Variants in RBBP6 observed in about 807,000 individuals in gnomAD.
The protein encoded by RBBP6 is E3 ubiquitin-protein ligase RBBP6.
In RBBP6, 25 loss-of-function variants were observed where a neutral mutation model predicts 167.7. The observed-to-expected ratio is 0.15, with a 90% confidence interval of 0.11 to 0.21. The LOEUF is 0.21. Ranked by LOEUF, RBBP6 falls within the 10% of genes least tolerant of loss-of-function variation. The probability of loss-of-function intolerance (pLI) is 1.00; values close to 1 mark genes in which losing one functional copy is unlikely to be tolerated. For missense variants in RBBP6, 1,868 were observed against 2,134.2 expected (o/e 0.88, Z 2.46); for synonymous variants, 789 against 735.8 (o/e 1.07, Z -1.17).
intron 8 of RBBP6, among the ~76,000 whole-genome samples, chr16:24,560,801 C>T (rs574816552): frequency 2.0e-5 from 3 of 152,256 alleles, no homozygotes; most frequent in Admixed American, 6.5e-5. Flanking sequence ...GGAGGATGTA[C>T]ATAGTATTAT....
chr16:24,563,132 AACTTTTTT>A, intron 10 of RBBP6, 59 bp from the exon 11 acceptor site: 1 of 1,327,880 alleles, frequency 7.5e-7, no homozygotes, highest in South Asian at 1.3e-5. Context: ...AACAGCAGCA[AACTTTTTT>A]ACTCTTAATT....
At chr16:24,567,921 G>A (rs1213223559) in intron 16 of RBBP6, 28 bp downstream of exon 16, 2 of 1,547,506 alleles carry the variant, frequency 1.3e-6, no homozygotes, top group Non-Finnish European at 8.9e-7. Context: ...CTTCACAACA[G>A]AATTACAAAC....
At chr16:24,562,333 T>TA (rs1899083560) in intron 10 of RBBP6, among the ~76,000 whole-genome samples, 172 bp downstream of exon 10, 8 of 152,284 alleles carry the variant, frequency 5.3e-5, no homozygotes, top group Middle Eastern at 3.4e-3. Context: ...ACAAACGTGA[T>TA]TGATTTGGCA....
At position 24,564,907 on chromosome 16, in the gene RBBP6, T is replaced by TA. The variant is rs1899156060; in HGVS notation, c.1589+42_1589+43insA. The TA allele has an allele frequency of 8.9e-6, 14 of 1,573,478 alleles. No individual in the cohort carries two copies. The East Asian group carries it at 2.2e-4, about 24-fold the overall frequency. On this transcript the variant is annotated intron_variant, in intron 14 of 17. Coordinates refer to ENST00000319715, the MANE Select transcript of RBBP6 (RefSeq NM_006910.5). ...TCTTGGAAAATAATCATCTTATTTT[T>TA]TATATATATATCTCACCAAAGAAAT... is the stretch of plus-strand genomic sequence containing the variant.
chr16:24,563,317 A>G (rs1340966944), intron 11 of RBBP6, 22 bp downstream of exon 11: 1 of 1,581,316 alleles, frequency 6.3e-7, no homozygotes. Flanking sequence ...TGGTGCTTTA[A>G]TTTGGGATTT....
At chr16:24,541,204 C>CAAAAAAA (rs1491180757) in intron 1 of RBBP6, among the ~76,000 whole-genome samples, 1 of 81,660 alleles carries the variant, frequency 1.2e-5, no homozygotes, top group Non-Finnish European at 2.6e-5. Flanking sequence ...AAAAAAAAAA[C>CAAAAAAA]CAAAAAAACA....
intron 7 of RBBP6, chr16:24,558,519 A>C: frequency 1.0e-6 from 1 of 980,846 alleles, no homozygotes; most frequent in Non-Finnish European, 1.2e-6. Context: ...ACTGCAACAC[A>C]AATAACACAC....
intron 1 of RBBP6, among the ~76,000 whole-genome samples, chr16:24,541,191 A>AC: frequency 1.3e-5 from 1 of 78,548 alleles, no homozygotes; most frequent in South Asian, 3.6e-4. Flanking sequence ...CAAAAAAAAA[A>AC]ACAAAAAAAA....
chr16:24,554,579 A>G (rs1224068608), intron 4 of RBBP6: 1 of 152,062 alleles, frequency 6.6e-6, no homozygotes, highest in Non-Finnish European at 1.5e-5. Flanking sequence ...TCTAAAACAT[A>G]AAGTGGACTA....
Position 24,570,454 on chromosome 16 carries a change from T to C in RBBP6, c.3764T>C (p.Val1255Ala). 6.2e-7 allele frequency: 1 copy of C among 1,602,234 alleles called. No homozygotes were observed. The highest frequency in any genetic ancestry group is 1.1e-5 in the South Asian group (1 of 88,722). Reference protein sequence around the residue: ...EKVKGKVRRKVTGTEGSSSTL... With the variant: ...EKVKGKVRRKATGTEGSSSTL... ...GTCAAAGGAAAGGTCAGACGAAAAG[T>C]GACTGGAACTGAAGGATCCAGCTCA... Residue 1255 changes from valine (V) to alanine (A), a missense_variant, in exon 17 of 18, where the codon GTG (valine) becomes GCG (alanine). Physicochemically the swap from Val to Ala is moderately conservative, Grantham distance 64. Coordinates refer to ENST00000319715, the MANE Select transcript of RBBP6 (RefSeq NM_006910.5).
intron 8 of RBBP6, 102 bp from the exon 9 acceptor site, chr16:24,561,510 C>G: frequency 1.0e-6 from 1 of 957,198 alleles, no homozygotes; most frequent in Non-Finnish European, 1.6e-6. Flanking sequence ...GCTTGGAAAA[C>G]AGTAATGTAA....
At position 24,562,133 on chromosome 16, in the gene RBBP6, C is replaced by A; in HGVS notation, c.1261C>A (p.His421Asn). 1 of 1,612,174 alleles carries A rather than the reference C, an allele frequency of 6.2e-7. No individual in the cohort carries two copies. The highest frequency in any genetic ancestry group is 1.1e-5 in the South Asian group (1 of 91,056). Residue 421 changes from histidine (H) to asparagine (N), a missense_variant, in exon 10 of 18, where the codon CAT becomes AAT. By Grantham distance (68) the His-to-Asn change is moderately conservative. This residue lies in a region of RBBP6 where 245 missense variants were observed against 240.1 expected (regional missense o/e 1.02). Transcript: ENST00000319715. ...AACTGCAACAGTATCCATATCAGTT[C>A]ATTCAGAAAAATCAGATGGACCTTT... ...DITATVSISV[H>N]SEKSDGPFRD... is the part of the protein sequence containing the mutation.
chr16:24,546,142 A>G (rs975931968), intron 1 of RBBP6, 21 bp from the exon 2 acceptor site: 19 of 1,558,798 alleles, frequency 1.2e-5, no homozygotes, highest in African/African-American at 7.0e-5. Flanking sequence ...TGGAAATTCA[A>G]TTCTGTCTTT....
At chr16:24,562,761 T>C (rs1899097214) in intron 10 of RBBP6, among the ~76,000 whole-genome samples, 1 of 151,938 alleles carries the variant, frequency 6.6e-6, no homozygotes, top group African/African-American at 2.4e-5. Flanking sequence ...GACCTTTACA[T>C]TTACATTTAA....
chr16:24,570,529 C>T, intron 17 of RBBP6, 30 bp downstream of exon 17: 1 of 1,505,118 alleles, frequency 6.6e-7, no homozygotes. Context: ...GGGTGTGGAA[C>T]TTTGTTGGGA....
intron 1 of RBBP6, among the ~76,000 whole-genome samples, chr16:24,543,892 C>T (rs531288781): frequency 6.6e-6 from 1 of 152,074 alleles, no homozygotes; most frequent in Admixed American, 6.5e-5. Context: ...TTCATCCATG[C>T]CTTTCATGTC....
chr16:24,559,111 A>T (rs1898987755), intron 7 of RBBP6, among the ~76,000 whole-genome samples: 1 of 151,804 alleles, frequency 6.6e-6, no homozygotes, highest in African/African-American at 2.4e-5. Flanking sequence ...TTTCATTTTT[A>T]TTTTTTTCAA....
chr16:24,567,386 A>G lies in RBBP6; in HGVS notation c.1833A>G (p.Leu611=). Residue 611 remains leucine (L), a synonymous_variant, in exon 15 of 18, where the codon TTA becomes TTG. Transcript: ENST00000319715. ...PPGFPPAPAN[L]STPWVSSGVQ... is the part of the protein sequence containing the mutation. ...GGTTTCCTCCAGCTCCTGCCAATTT[A>G]TCAACACCTTGGGTATCATCAGGAG... is the stretch of plus-strand genomic sequence containing the variant. The G allele has an allele frequency of 6.2e-7, 1 of 1,614,072 alleles. No individual in the cohort carries two copies. Among genetic ancestry groups the G allele is most frequent in the African/African-American group, 1.3e-5 (1 of 74,984 alleles).
At position 24,563,102 on chromosome 16, in the gene RBBP6, T is replaced by G. The variant is rs1485416164; in HGVS notation, c.1290-97T>G. The G allele has an allele frequency of 7.9e-6, 7 of 883,682 alleles. No homozygotes were observed. In the African/African-American group the frequency reaches 8.7e-5, roughly 11 times the overall value. The allele number at this position is 883,682 out of a possible 1,614,324, so 54.7% of individuals were successfully genotyped here. ...TTCATCATCTTTGACTTAACTCATCTTAACTGCAGGTGATGGGTAAACAGC... is the reference window on the plus strand; with the variant it reads ...TTCATCATCTTTGACTTAACTCATCGTAACTGCAGGTGATGGGTAAACAGC... On this transcript the variant is annotated intron_variant, in intron 10 of 17. Coordinates refer to ENST00000319715, the MANE Select transcript of RBBP6 (RefSeq NM_006910.5).
Sources: gnomAD v4.1 joint callset for allele counts (sites outside exome capture counted in the v4.1 genomes callset) on GRCh38, gnomAD v4.1.1 for gene constraint, gnomAD v4.1.1 regional missense constraint, MANE v1.5 for transcripts, NCBI Gene and HGNC (gene_info 2026-07-23, HGNC 2026-07-21) for gene names.